Variants in RIMS1 observed in about 807,000 individuals in gnomAD.
The protein encoded by RIMS1 is regulating synaptic membrane exocytosis protein 1.
A neutral mutation model predicts 214.1 loss-of-function variants in RIMS1; 83 were observed. The ratio of observed to expected loss-of-function variants is 0.39; its 90% CI spans 0.32 to 0.47. RIMS1 has a LOEUF of 0.47. RIMS1 is among the 20% of genes least tolerant of loss of function. The probability of loss-of-function intolerance (pLI) is 0.99; values close to 1 mark genes in which losing one functional copy is unlikely to be tolerated. For synonymous variants in RIMS1, 793 were observed against 786.8 expected, an observed-to-expected ratio of 1.01 and a Z score of -0.13; for missense variants, 2,050 against 2,161.8, an observed-to-expected ratio of 0.95 and a Z score of 1.03.
intron 29 of RIMS1, among the ~76,000 whole-genome samples, chr6:72,341,291 T>C (rs377283853): frequency 1.6e-4 from 24 of 152,130 alleles, no homozygotes; most frequent in African/African-American, 5.8e-4. Context: ...TCCTGCCTGA[T>C]TGCCCTGGCC....
At chr6:71,922,391 A>C (rs1035859828) in intron 1 of RIMS1, among the ~76,000 whole-genome samples, 3 of 152,132 alleles carry the variant, frequency 2.0e-5, no homozygotes, top group African/African-American at 7.2e-5. Context: ...TAGGTACCTC[A>C]TATAAATGCA....
At chr6:71,976,521 A>G (rs1398501773) in intron 2 of RIMS1, among the ~76,000 whole-genome samples, 3 of 152,126 alleles carry the variant, frequency 2.0e-5, no homozygotes, top group African/African-American at 7.2e-5. Flanking sequence ...ATGATTTGCA[A>G]TATTGTCTCC....
At chr6:71,990,535 A>G (rs1801281012) in intron 2 of RIMS1, among the ~76,000 whole-genome samples, 1 of 152,088 alleles carries the variant, frequency 6.6e-6, no homozygotes, top group Non-Finnish European at 1.5e-5. Flanking sequence ...ATCAAACTTG[A>G]AATAAAACCT....
intron 2 of RIMS1, among the ~76,000 whole-genome samples, chr6:72,093,210 GTA>G (rs368970705): frequency 4.8e-4 from 27 of 56,412 alleles, no homozygotes; most frequent in East Asian, 7.6e-4. Context: ...ATGTATGTGA[GTA>G]TATATATATA....
intron 1 of RIMS1, among the ~76,000 whole-genome samples, chr6:71,893,003 G>A (rs1770431297): frequency 1.3e-5 from 2 of 152,310 alleles, no homozygotes; most frequent in African/African-American, 4.8e-5. Context: ...TATAATGGCA[G>A]TCCTTCTAAT....
At position 72,392,767 on chromosome 6, in the gene RIMS1, A is replaced by G; in HGVS notation, c.4575A>G (p.Pro1525=). ...GTGATTTTCTTGATGGATTGGGACC[A>G]GCCCAGCTTGTTGGCCGCCAAACCC... The part of the protein sequence containing the change: ...QFSDFLDGLG[P]AQLVGRQTLA... Residue 1525 remains proline, a synonymous_variant, in exon 31 of 34, where the codon CCA becomes CCG. Coordinates refer to ENST00000521978, the MANE Select transcript of RIMS1 (RefSeq NM_014989.7). 1 of 1,613,822 alleles carries G rather than the reference A, an allele frequency of 6.2e-7. No homozygotes were observed. The highest frequency in any genetic ancestry group is 8.5e-7 in the Non-Finnish European group (1 of 1,179,822).
At chr6:72,267,811 G>T (rs1022463535) in intron 22 of RIMS1, among the ~76,000 whole-genome samples, 2 of 152,132 alleles carry the variant, frequency 1.3e-5, no homozygotes, top group African/African-American at 4.8e-5. Flanking sequence ...AGGTCAACCA[G>T]CAGGCAAATA....
Position 72,182,543 on chromosome 6 carries a change from G to T in RIMS1, c.1072G>T (p.Asp358Tyr). Residue 358 changes from aspartate (D) to tyrosine (Y), a missense_variant, in exon 6 of 34, where the codon GAC (aspartate) becomes TAC (tyrosine). Coordinates refer to ENST00000521978, the MANE Select transcript of RIMS1 (RefSeq NM_014989.7). ...GGATTATCAGACCAGGTACCGCAGCGACCCGAACCTAGCTCGGTACCCGGT... is the reference window on the plus strand; with the variant it reads ...GGATTATCAGACCAGGTACCGCAGCTACCCGAACCTAGCTCGGTACCCGGT... ...EEDYQTRYRS[D>Y]PNLARYPVKP... 4 of 1,558,474 alleles carry T rather than the reference G, an allele frequency of 2.6e-6. No homozygotes were observed. Among genetic ancestry groups the T allele is most frequent in the Non-Finnish European group, 1.7e-6 (2 of 1,152,058 alleles).
intron 1 of RIMS1, among the ~76,000 whole-genome samples, chr6:71,902,832 C>T (rs1412092405): frequency 6.6e-6 from 1 of 152,138 alleles, no homozygotes; most frequent in Non-Finnish European, 1.5e-5. Flanking sequence ...CCAGCTCCAT[C>T]CATGTACCTG....
At chr6:71,942,345 G>C (rs371875071) in intron 1 of RIMS1, among the ~76,000 whole-genome samples, 2 of 152,038 alleles carry the variant, frequency 1.3e-5, no homozygotes, top group East Asian at 3.9e-4. Flanking sequence ...AATCATTTAG[G>C]TTGTAAATGA....
intron 29 of RIMS1, among the ~76,000 whole-genome samples, chr6:72,335,772 G>A (rs1370967509): frequency 1.3e-5 from 2 of 151,950 alleles, no homozygotes; most frequent in Non-Finnish European, 2.9e-5. Context: ...ATTCTAAATG[G>A]TGTGAGATGG....
chr6:72,136,939 A>C (rs2041378979), intron 4 of RIMS1, among the ~76,000 whole-genome samples: 1 of 152,086 alleles, frequency 6.6e-6, no homozygotes, highest in Admixed American at 6.5e-5. Context: ...TATTAATAAA[A>C]ATCAAGGAAT....
intron 4 of RIMS1, among the ~76,000 whole-genome samples, chr6:72,149,647 A>C (rs78158754): frequency 2.0e-5 from 3 of 152,174 alleles, no homozygotes; most frequent in African/African-American, 7.2e-5. Context: ...AAGTCTGAGG[A>C]CAAAAAGTCT....
rs182441227 is a variant in RIMS1 at position 72,231,478 on chromosome 6, T to G, written c.1679-2295T>G. Among the ~76,000 whole-genome samples, 274 of 151,788 alleles carry G rather than the reference T, an allele frequency of 1.8e-3. 7 individuals carry two copies. The highest frequency in any genetic ancestry group is 2.8e-4 in the Non-Finnish European group (19 of 67,678). On this transcript the variant is annotated intron_variant, in intron 6 of 33. Coordinates refer to ENST00000521978, the MANE Select transcript of RIMS1 (RefSeq NM_014989.7). ...ACATTTGTTAGCAATATTTAGTAGA[T>G]AGCTACAAAACTGTGTATGGCCAAA...
intron 4 of RIMS1, among the ~76,000 whole-genome samples, chr6:72,177,191 A>C (rs987055407): frequency 6.6e-6 from 1 of 152,128 alleles, no homozygotes; most frequent in African/African-American, 2.4e-5. Flanking sequence ...TAAAAACTGC[A>C]TATTTATCCT....
At chr6:72,075,979 G>A (rs766827890) in intron 2 of RIMS1, among the ~76,000 whole-genome samples, 7 of 152,246 alleles carry the variant, frequency 4.6e-5, no homozygotes, top group Middle Eastern at 3.4e-3. Context: ...GTAAATATGC[G>A]AGTATGTGAC....
chr6:71,903,748 G>A (rs772267223), intron 1 of RIMS1, among the ~76,000 whole-genome samples: 2 of 140,526 alleles, frequency 1.4e-5, no homozygotes, highest in Non-Finnish European at 2.9e-5. Context: ...AGGATTAGTA[G>A]TGTGTGTGTG....
chr6:71,988,616 T>G (rs1800705598), intron 2 of RIMS1, among the ~76,000 whole-genome samples: 1 of 152,152 alleles, frequency 6.6e-6, no homozygotes, highest in South Asian at 2.1e-4. Flanking sequence ...ATTATGGTAT[T>G]GCCCTGCTGT....
At chr6:72,362,783 C>G (rs145212598) in intron 29 of RIMS1, among the ~76,000 whole-genome samples, 21 of 152,196 alleles carry the variant, frequency 1.4e-4, no homozygotes, top group Admixed American at 1.0e-3. Context: ...GTCATTTTCC[C>G]TATAGTTCAG....
Sources: allele counts gnomAD v4.1 joint callset (sites outside exome capture counted in the v4.1 genomes callset), GRCh38; gene constraint gnomAD v4.1.1; transcripts MANE v1.5; gene names NCBI Gene and HGNC (gene_info 2026-07-23, HGNC 2026-07-21).